The following TSHZ2 variants were observed in gnomAD, a reference collection of about 807,000 sequenced individuals.
TSHZ2 encodes teashirt homolog 2.
TSHZ2 carries 21 observed loss-of-function variants against 74.4 expected under a neutral mutation model. That is an observed-to-expected ratio of 0.28 (90% CI 0.20 to 0.41). TSHZ2 has a LOEUF of 0.41. Among genes scored for constraint, TSHZ2 ranks in the 10% least tolerant of loss-of-function variants. The pLI is 1.00. For missense variants in TSHZ2, 1,244 were observed against 1,293.5 expected, an observed-to-expected ratio of 0.96 and a Z score of 0.59; for synonymous variants, 540 against 515.3, an observed-to-expected ratio of 1.05 and a Z score of -0.65.
chr20:53,328,242 A>G (rs1162436059), intron 2 of TSHZ2, among the ~76,000 whole-genome samples: 1 of 152,210 alleles, frequency 6.6e-6, no homozygotes, highest in African/African-American at 2.4e-5. Flanking sequence ...TGTATTTTAT[A>G]AAATATCTGC....
At position 53,227,463 on chromosome 20, in the gene TSHZ2, AACACAC is replaced by A. The variant is rs10574252; in HGVS notation, c.41-26004_41-25999del. Among the ~76,000 whole-genome samples the A allele has an allele frequency of 3.3e-3, 481 of 146,580 alleles. 3 individuals carry two copies. Among genetic ancestry groups the A allele is most frequent in the African/African-American group, 8.7e-3 (346 of 39,590 alleles). ...TATTGCCTTAGTAAGTGGGGAGGAA[AACACAC>A]ACACACACACACACACACACACACA... On this transcript the variant is annotated intron_variant, in intron 1 of 2. Transcript: ENST00000371497.
intron 2 of TSHZ2, among the ~76,000 whole-genome samples, chr20:53,313,858 T>G (rs1379082948): frequency 6.6e-6 from 1 of 152,208 alleles, no homozygotes; most frequent in African/African-American, 2.4e-5. Context: ...TTGTTAAAAT[T>G]GTGCTTAAAC....
rs1989107777 is a variant in TSHZ2 at position 53,204,374 on chromosome 20, AACATGATG to A, written c.41-49123_41-49116del. On this transcript the variant is annotated intron_variant, in intron 1 of 2. Transcript: ENST00000371497. ...ATGATATGATACTATATCATCATAT[AACATGATG>A]ATATGATACTATATCATCATATAAC... 4.8e-5 allele frequency among the ~76,000 whole-genome samples: 7 copies of A among 145,404 alleles called. No individual in the cohort carries two copies. The East Asian group carries it at 8.0e-4, about 17-fold the overall frequency.
chr20:53,395,372 T>C (rs1982409355), intron 2 of TSHZ2, among the ~76,000 whole-genome samples: 1 of 152,086 alleles, frequency 6.6e-6, no homozygotes, highest in African/African-American at 2.4e-5. Context: ...CAGGAAAGGG[T>C]TGGGTGTGTT....
At chr20:53,270,835 T>C (rs1990819827) in intron 2 of TSHZ2, among the ~76,000 whole-genome samples, 2 of 152,210 alleles carry the variant, frequency 1.3e-5, no homozygotes, top group Non-Finnish European at 2.9e-5. Context: ...TTTTCAATGC[T>C]ACATTTCTCA....
At chr20:53,240,602 CAGAA>C (rs1181250696) in intron 1 of TSHZ2, among the ~76,000 whole-genome samples, 8 of 151,932 alleles carry the variant, frequency 5.3e-5, no homozygotes, top group African/African-American at 1.9e-4. Context: ...TCCTCCAGGT[CAGAA>C]AGAAAGATCT....
intron 1 of TSHZ2, among the ~76,000 whole-genome samples, chr20:53,024,065 G>C (rs1400944413): frequency 6.6e-6 from 1 of 151,640 alleles, no homozygotes; most frequent in African/African-American, 2.4e-5. Flanking sequence ...GAAGTAGTGT[G>C]GGTGGGAAGG....
chr20:52,973,696 C>T (rs530579089), intron 1 of TSHZ2, among the ~76,000 whole-genome samples: 1 of 152,292 alleles, frequency 6.6e-6, no homozygotes, highest in South Asian at 2.1e-4. Context: ...CATCCCTCTG[C>T]GTGGTCAGTG....
chr20:53,056,567 C>G (rs558708567), intron 1 of TSHZ2, among the ~76,000 whole-genome samples: 1 of 152,278 alleles, frequency 6.6e-6, no homozygotes, highest in Admixed American at 6.5e-5. Flanking sequence ...GTTTCTTTTT[C>G]TAAAGCCTCA....
At chr20:53,011,049 A>T (rs1982831741) in intron 1 of TSHZ2, among the ~76,000 whole-genome samples, 1 of 152,236 alleles carries the variant, frequency 6.6e-6, no homozygotes, top group South Asian at 2.1e-4. Context: ...AAAAAAGTGA[A>T]TATCATATTT....
At chr20:53,039,728 A>G (rs1388147037) in intron 1 of TSHZ2, among the ~76,000 whole-genome samples, 1 of 151,722 alleles carries the variant, frequency 6.6e-6, no homozygotes, top group Non-Finnish European at 1.5e-5. Flanking sequence ...TGCAGTGAGC[A>G]GAGATTGTGC....
At chr20:52,982,451 C>T (rs1201889777) in intron 1 of TSHZ2, among the ~76,000 whole-genome samples, 3 of 152,134 alleles carry the variant, frequency 2.0e-5, no homozygotes, top group South Asian at 4.1e-4. Flanking sequence ...AGCGGCATCT[C>T]CAGATAGAAT....
chr20:53,426,016 TACC>T (rs1357540646), intron 2 of TSHZ2, among the ~76,000 whole-genome samples: 3 of 152,186 alleles, frequency 2.0e-5, no homozygotes, highest in Non-Finnish European at 4.4e-5. Context: ...TCAGTTCAGT[TACC>T]ACTATAGGAA....
chr20:53,274,080 A>T (rs1208737179), intron 2 of TSHZ2, among the ~76,000 whole-genome samples: 1 of 152,152 alleles, frequency 6.6e-6, no homozygotes, highest in East Asian at 1.9e-4. Flanking sequence ...GGAGATCGAG[A>T]CCATCCTGGT....
chr20:53,168,236 C>T (rs192623145), intron 1 of TSHZ2, among the ~76,000 whole-genome samples: 8 of 152,270 alleles, frequency 5.3e-5, no homozygotes, highest in South Asian at 2.1e-4. Context: ...TGTATATCGT[C>T]GGACGTGTAG....
chr20:53,219,673 A>G (rs1383937515), intron 1 of TSHZ2, among the ~76,000 whole-genome samples: 2 of 152,176 alleles, frequency 1.3e-5, no homozygotes, highest in East Asian at 3.8e-4. Flanking sequence ...CCTTATAAAG[A>G]GCTCCAGCGA....
chr20:53,181,891 C>T (rs115921910), intron 1 of TSHZ2, among the ~76,000 whole-genome samples: 2,092 of 152,188 alleles, frequency 0.014, 58 homozygotes, highest in African/African-American at 0.048. Flanking sequence ...GCCAGTGTGG[C>T]TGACCAGAAA....
intron 2 of TSHZ2, among the ~76,000 whole-genome samples, chr20:53,327,812 C>G (rs924809343): frequency 6.6e-6 from 1 of 152,112 alleles, no homozygotes; most frequent in African/African-American, 2.4e-5. Flanking sequence ...GGCTAGGGAG[C>G]CTGGGTGGAA....
At chr20:53,298,785 C>A (rs1426252267) in intron 2 of TSHZ2, among the ~76,000 whole-genome samples, 1 of 152,150 alleles carries the variant, frequency 6.6e-6, no homozygotes, top group Non-Finnish European at 1.5e-5. Context: ...GAAATCTAGT[C>A]TCCCTCCTTC....
Sources: allele counts gnomAD v4.1 joint callset (sites outside exome capture counted in the v4.1 genomes callset), GRCh38; gene constraint gnomAD v4.1.1; transcripts MANE v1.5; gene names NCBI Gene and HGNC (gene_info 2026-07-23, HGNC 2026-07-21).